LAMA1: variants seen among roughly 807,000 people sequenced by gnomAD.
The protein encoded by LAMA1 is laminin subunit alpha 1, also known as laminin subunit alpha-1.
A neutral mutation model predicts 348.7 loss-of-function variants in LAMA1; 219 were observed. The ratio of observed to expected loss-of-function variants is 0.63; its 90% confidence interval spans 0.56 to 0.70. LAMA1 has a LOEUF of 0.70. LAMA1 is among the 30% of genes least tolerant of loss of function. LAMA1 has a pLI of 0.00. For missense variants in LAMA1, 3,744 were observed against 3,888.0 expected (o/e 0.96, Z 0.99); for synonymous variants, 1,487 against 1,491.0 (o/e 1.00, Z 0.06).
At chr18:6,993,510 A>G (rs2057767348) in intron 35 of LAMA1, 131 bp downstream of exon 35, 3 of 763,444 alleles carry the variant, frequency 3.9e-6, no homozygotes, top group Middle Eastern at 2.6e-4. Context: ...AGGATCCCCA[A>G]ACTATTCCAG....
intron 30 of LAMA1, among the ~76,000 whole-genome samples, chr18:7,001,280 T>C (rs2057806465): frequency 6.6e-6 from 1 of 151,476 alleles, no homozygotes; most frequent in East Asian, 1.9e-4. Flanking sequence ...TAACACAATG[T>C]ATATAATCAA....
rs550748201 is a variant in LAMA1 at position 7,073,265 on chromosome 18, C to T, written c.345+6710G>A. Among the ~76,000 whole-genome samples the T allele has an allele frequency of 1.2e-4, 19 of 152,176 alleles. No individual in the cohort carries two copies. The South Asian group carries it at 3.5e-3, about 28-fold the overall frequency. On this transcript the variant is annotated intron_variant, in intron 3 of 62. Coordinates refer to ENST00000389658, the MANE Select transcript of LAMA1 (RefSeq NM_005559.4). ...CTTTTTTAAGTTGTAGAAAAATATA[C>T]GTAACATAAAAACCACGACTTTAGC...
rs2057623632 is a variant in LAMA1, at chr18:6,964,548, A to G, written c.7337+114T>C. 4 of 1,291,138 alleles carry G rather than the reference A, an allele frequency of 3.1e-6. No individual in the cohort carries two copies. The Admixed American group carries it at 5.1e-5, about 16-fold the overall frequency. The allele number at this position is 1,291,138 out of a possible 1,614,324, so 80.0% of individuals were successfully genotyped here. A position where few individuals can be genotyped will look rare whatever the true frequency, so the allele number is the denominator to read the frequency against. On this transcript the variant is annotated intron_variant, in intron 51 of 62. Coordinates refer to ENST00000389658, the MANE Select transcript of LAMA1 (RefSeq NM_005559.4). ...GGACTTGCAGCCTCTAGAACTGGGA[A>G]AGAATAAATTAGTGTTGTTTAAGCC... is the stretch of plus-strand genomic sequence containing the variant.
intron 1 of LAMA1, among the ~76,000 whole-genome samples, chr18:7,086,988 A>T (rs182979470): frequency 6.4e-4 from 97 of 152,338 alleles, no homozygotes; most frequent in Non-Finnish European, 1.0e-3. Context: ...GCAAGGGTGG[A>T]CAGAAATAAT....
intron 3 of LAMA1, among the ~76,000 whole-genome samples, chr18:7,051,590 TAAG>T (rs2058062541): frequency 6.6e-6 from 1 of 152,200 alleles, no homozygotes; most frequent in Admixed American, 6.5e-5. Flanking sequence ...GATATGAACA[TAAG>T]AGCTTGTTCT....
intron 19 of LAMA1, 74 bp downstream of exon 19, chr18:7,023,090 A>T (rs1468985271): frequency 2.0e-6 from 3 of 1,496,410 alleles, no homozygotes; most frequent in East Asian, 2.5e-5. Flanking sequence ...GCCCTGTGTG[A>T]CACATGTGAC....
At chr18:7,071,940 G>T (rs944121324) in intron 3 of LAMA1, among the ~76,000 whole-genome samples, 35 of 152,300 alleles carry the variant, frequency 2.3e-4, no homozygotes, top group African/African-American at 8.2e-4. Flanking sequence ...CAGTAAGTAT[G>T]TAATACATGA....
chr18:6,982,535 A>G lies in LAMA1; in HGVS notation c.5852T>C (p.Phe1951Ser), dbSNP rs1326912384. ...GCTGAGGTTGTTGCCTTCTTTTAGA[A>G]ATCTGGAGCTGCGCTGCACGGCCGC... ...GKAAVQRSSR[F>S]LKEGNNLSRK... The change falls in exon 41 of 63, where the codon TTT becomes TCT. Residue 1951 changes from phenylalanine to serine, a missense_variant. Physicochemically the swap from Phe to Ser is radical, Grantham distance 155 (BLOSUM62 -2). Coordinates refer to ENST00000389658, the MANE Select transcript of LAMA1 (RefSeq NM_005559.4). 1 of 1,614,166 alleles carries G rather than the reference A, an allele frequency of 6.2e-7. No homozygotes were observed. The highest frequency in any genetic ancestry group is 1.1e-5 in the South Asian group (1 of 91,088).
At chr18:7,048,684 C>G (rs185585247) in intron 5 of LAMA1, among the ~76,000 whole-genome samples, 2 of 152,336 alleles carry the variant, frequency 1.3e-5, no homozygotes, top group East Asian at 3.9e-4. Flanking sequence ...GTCTTACACA[C>G]TTAACTACAT....
At chr18:6,955,090 G>A (rs895754068) in intron 57 of LAMA1, 20 of 500,160 alleles carry the variant, frequency 4.0e-5, no homozygotes, top group East Asian at 3.1e-4. Flanking sequence ...ATGCCCACAC[G>A]CTTCCTTACA....
chr18:6,981,713 A>C (rs2057712514), intron 41 of LAMA1, among the ~76,000 whole-genome samples: 1 of 152,184 alleles, frequency 6.6e-6, no homozygotes, highest in Admixed American at 6.5e-5. Flanking sequence ...CCAAGCCTTT[A>C]GTTCAGACAG....
At chr18:7,083,432 C>T (rs546776582) in intron 1 of LAMA1, among the ~76,000 whole-genome samples, 3 of 152,024 alleles carry the variant, frequency 2.0e-5, no homozygotes, top group South Asian at 2.1e-4. Flanking sequence ...GTGCTCCACT[C>T]GTCTCGGCCT....
chr18:7,065,186 T>C (rs2058117632), intron 3 of LAMA1, among the ~76,000 whole-genome samples: 1 of 147,510 alleles, frequency 6.8e-6, no homozygotes, highest in Admixed American at 6.9e-5. Flanking sequence ...TGAGCTGAGA[T>C]TGCGCCACTG....
chr18:6,948,952 C>A, intron 59 of LAMA1, 149 bp downstream of exon 59: 1 of 1,022,828 alleles, frequency 9.8e-7, no homozygotes, highest in Non-Finnish European at 1.5e-6. Flanking sequence ...GGCACACGAT[C>A]TGTGGACATG....
intron 29 of LAMA1, among the ~76,000 whole-genome samples, chr18:7,004,841 G>A (rs1289523614): frequency 6.6e-6 from 1 of 152,212 alleles, no homozygotes; most frequent in Non-Finnish European, 1.5e-5. Flanking sequence ...GAGGATGGAA[G>A]GGAAGGTCCT....
chr18:6,991,218 A>C (rs923958387), intron 36 of LAMA1, among the ~76,000 whole-genome samples: 1 of 151,984 alleles, frequency 6.6e-6, no homozygotes, highest in African/African-American at 2.4e-5. Context: ...CAAATCAACA[A>C]CGTCAAAAAT....
intron 56 of LAMA1, chr18:6,955,887 T>C: frequency 5.7e-6 from 2 of 350,472 alleles, no homozygotes; most frequent in Non-Finnish European, 5.6e-6. Context: ...AGGTGACATG[T>C]TTTGCAGGGC....
At chr18:7,054,897 AC>A (rs1424397075) in intron 3 of LAMA1, among the ~76,000 whole-genome samples, 12 of 152,212 alleles carry the variant, frequency 7.9e-5, no homozygotes, top group Non-Finnish European at 4.4e-5. Flanking sequence ...TTAAGAATAT[AC>A]CATAAACATA....
chr18:6,946,649 G>A (rs190057271), intron 61 of LAMA1, among the ~76,000 whole-genome samples: 29 of 152,182 alleles, frequency 1.9e-4, no homozygotes, highest in Non-Finnish European at 1.8e-4. Context: ...GACCTGGGAG[G>A]CAGAGGTTGC....
Sources: allele counts gnomAD v4.1 joint callset (sites outside exome capture counted in the v4.1 genomes callset), GRCh38; gene constraint gnomAD v4.1.1; transcripts MANE v1.5; gene names NCBI Gene and HGNC (gene_info 2026-07-23, HGNC 2026-07-21).